NEK7: variants seen among roughly 807,000 people sequenced by gnomAD.
The protein encoded by NEK7 is NIMA related kinase 7, also known as serine/threonine-protein kinase Nek7.
A neutral mutation model predicts 44.6 loss-of-function variants in NEK7; 18 were observed. The ratio of observed to expected loss-of-function variants is 0.40; its 90% CI spans 0.28 to 0.60. The LOEUF is 0.60. Ranked by LOEUF, NEK7 falls within the 20% of genes least tolerant of loss-of-function variation. NEK7 has a pLI of 0.38. For synonymous variants in NEK7, 130 were observed against 121.1 expected, an observed-to-expected ratio of 1.07 and a Z score of -0.48; for missense variants, 256 against 366.5, an observed-to-expected ratio of 0.70 and a Z score of 2.46.
intron 7 of NEK7, among the ~76,000 whole-genome samples, chr1:198,289,105 T>A (rs1173234387): frequency 6.6e-6 from 1 of 150,954 alleles, no homozygotes; most frequent in African/African-American, 2.4e-5. Flanking sequence ...AAGGAAAGAA[T>A]GGAAATTAAG....
intron 2 of NEK7, among the ~76,000 whole-genome samples, chr1:198,234,214 T>G (rs1334132318): frequency 6.6e-6 from 1 of 152,098 alleles, no homozygotes; most frequent in Non-Finnish European, 1.5e-5. Context: ...CACTATTACA[T>G]TGCTTTTCTT....
At chr1:198,291,388 G>A (rs900635905) in intron 7 of NEK7, among the ~76,000 whole-genome samples, 1 of 152,158 alleles carries the variant, frequency 6.6e-6, no homozygotes, top group Non-Finnish European at 1.5e-5. Flanking sequence ...CAAACTACAG[G>A]TGAAAGTAGT....
At chr1:198,240,967 A>G (rs533730495) in intron 2 of NEK7, among the ~76,000 whole-genome samples, 1 of 152,348 alleles carries the variant, frequency 6.6e-6, no homozygotes, top group African/African-American at 2.4e-5. Flanking sequence ...CACTGGGATT[A>G]CAGGCGTGAG....
chr1:198,159,264 A>G (rs1664022293), intron 1 of NEK7, among the ~76,000 whole-genome samples: 2 of 152,200 alleles, frequency 1.3e-5, no homozygotes, highest in South Asian at 2.1e-4. Context: ...TGTCTGCGGA[A>G]GGGGCGCCAG....
At chr1:198,313,136 A>G (rs1292835164) in intron 9 of NEK7, among the ~76,000 whole-genome samples, 1 of 152,152 alleles carries the variant, frequency 6.6e-6, no homozygotes, top group East Asian at 1.9e-4. Context: ...TATTGGGTGC[A>G]TATATATTTG....
intron 6 of NEK7, 126 bp downstream of exon 6, chr1:198,278,195 G>T: frequency 1.7e-6 from 1 of 586,722 alleles, no homozygotes; most frequent in Non-Finnish European, 3.0e-6. Flanking sequence ...TTATAATTAT[G>T]CTAGAATGTT....
intron 9 of NEK7, among the ~76,000 whole-genome samples, chr1:198,315,140 G>T (rs1655322398): frequency 6.6e-6 from 1 of 152,162 alleles, no homozygotes; most frequent in African/African-American, 2.4e-5. Context: ...CTCCTGGTGC[G>T]CCGTTTTTTT....
intron 7 of NEK7, among the ~76,000 whole-genome samples, chr1:198,283,483 C>T (rs1417931722): frequency 1.3e-5 from 2 of 151,944 alleles, no homozygotes; most frequent in East Asian, 1.9e-4. Context: ...TTTTTGGTCT[C>T]CTTATCCTCC....
intron 1 of NEK7, among the ~76,000 whole-genome samples, chr1:198,172,311 T>A (rs1664474096): frequency 6.6e-6 from 1 of 152,180 alleles, no homozygotes; most frequent in Non-Finnish European, 1.5e-5. Flanking sequence ...ACTAGAAACT[T>A]AACTTTCTTG....
At chr1:198,284,319 TTTG>T (rs1173537125) in intron 7 of NEK7, among the ~76,000 whole-genome samples, 1 of 152,194 alleles carries the variant, frequency 6.6e-6, no homozygotes, top group Non-Finnish European at 1.5e-5. Flanking sequence ...TGTTTTCTGA[TTTG>T]TTGTTATTAG....
intron 3 of NEK7, 144 bp from the exon 4 acceptor site, chr1:198,262,431 A>G (rs1187731712): frequency 2.0e-6 from 1 of 511,646 alleles, no homozygotes; most frequent in Admixed American, 3.4e-5. Context: ...AGATACCTAC[A>G]GAACTCCTTA....
chr1:198,181,849 A>T (rs2102745353), intron 1 of NEK7, among the ~76,000 whole-genome samples: 1 of 152,232 alleles, frequency 6.6e-6, no homozygotes, highest in Non-Finnish European at 1.5e-5. Flanking sequence ...GAGTAAAGCA[A>T]ATCATTTCTT....
chr1:198,231,298 T>TATATATA (rs1666385021), intron 1 of NEK7, among the ~76,000 whole-genome samples: 1 of 75,352 alleles, frequency 1.3e-5, no homozygotes, highest in African/African-American at 7.5e-5. Flanking sequence ...TGTATGTGTG[T>TATATATA]GTGTATATAT....
chr1:198,312,649 C>T (rs1236518386), intron 9 of NEK7, among the ~76,000 whole-genome samples: 5 of 151,774 alleles, frequency 3.3e-5, no homozygotes, highest in African/African-American at 1.2e-4. Context: ...TCTTTGTTCT[C>T]GTTGGTTTCA....
At chr1:198,169,915 A>G (rs1392840771) in intron 1 of NEK7, among the ~76,000 whole-genome samples, 1 of 152,194 alleles carries the variant, frequency 6.6e-6, no homozygotes, top group Non-Finnish European at 1.5e-5. Flanking sequence ...TCTTGTCAGA[A>G]CTTGCCATTT....
chr1:198,301,279 T>A (rs374444820), intron 9 of NEK7, among the ~76,000 whole-genome samples: 1 of 152,178 alleles, frequency 6.6e-6, no homozygotes, highest in Non-Finnish European at 1.5e-5. Flanking sequence ...GGCCGGGCGC[T>A]GTGGCTCACG....
chr1:198,219,166 C>T (rs1666012633), intron 1 of NEK7, among the ~76,000 whole-genome samples: 1 of 151,372 alleles, frequency 6.6e-6, no homozygotes, highest in African/African-American at 2.4e-5. Flanking sequence ...CCTAAGTACC[C>T]CTCAACTGAT....
intron 1 of NEK7, among the ~76,000 whole-genome samples, chr1:198,200,585 C>G (rs971932507): frequency 2.1e-5 from 3 of 145,532 alleles, no homozygotes; most frequent in Non-Finnish European, 3.0e-5. Context: ...GGGTCTTGCT[C>G]TGTTGCCCAG....
At chr1:198,311,886 G>T (rs1389300492) in intron 9 of NEK7, among the ~76,000 whole-genome samples, 3 of 152,098 alleles carry the variant, frequency 2.0e-5, no homozygotes, top group Non-Finnish European at 4.4e-5. Context: ...CAAGGATATT[G>T]GTCTAAAATT....
Sources: gnomAD v4.1 joint callset for allele counts (sites outside exome capture counted in the v4.1 genomes callset) on GRCh38, gnomAD v4.1.1 for gene constraint, MANE v1.5 for transcripts, NCBI Gene and HGNC (gene_info 2026-07-23, HGNC 2026-07-21) for gene names.